The following DNAJA3 variants were observed in gnomAD, a reference collection of about 807,000 sequenced individuals.
DNAJA3 encodes the protein DnaJ heat shock protein family (Hsp40) member A3, also known as dnaJ homolog subfamily A member 3, mitochondrial.
DNAJA3 carries 29 observed loss-of-function variants against 54.9 expected under a neutral mutation model. That is an observed-to-expected ratio of 0.53 (90% CI 0.39 to 0.72). DNAJA3 has a LOEUF of 0.72. Among genes scored for constraint, DNAJA3 ranks in the 30% least tolerant of loss-of-function variants. DNAJA3 has a pLI of 0.00. For synonymous variants in DNAJA3, 302 were observed against 251.4 expected (o/e 1.20, Z -1.90); for missense variants, 708 against 639.4 (o/e 1.11, Z -1.16).
chr16:4,427,521 A>G (rs34091811), intron 1 of DNAJA3: 12,018 of 152,196 alleles, frequency 0.079, 703 homozygotes, highest in South Asian at 0.22. Flanking sequence ...AGCGGGGTGT[A>G]TTATTTAACC....
chr16:4,434,000 T>G, intron 1 of DNAJA3: 1 of 239,660 alleles, frequency 4.2e-6, no homozygotes, highest in Non-Finnish European at 8.2e-6. Flanking sequence ...AGAGGTTTAT[T>G]TAACTCACAG....
chr16:4,429,743 A>C (rs1453507859), intron 1 of DNAJA3, among the ~76,000 whole-genome samples: 1 of 152,072 alleles, frequency 6.6e-6, no homozygotes, highest in Non-Finnish European at 1.5e-5. Flanking sequence ...CTGGGGCAGG[A>C]GAATTGCTTG....
Position 4,443,141 on chromosome 16 carries a change from G to C in DNAJA3, c.908G>C (p.Arg303Pro). ...GCAGGACAAGCCAAGCAGAAAAAGC[G>C]AGTGATGATCCCTGTGCCTGCAGGT... ...RGAGQAKQKK[R>P]VMIPVPAGVE... The change falls in exon 6 of 12, where the codon CGA becomes CCA. Residue 303 changes from arginine to proline, a missense_variant. Physicochemically the swap from Arg to Pro is moderately radical, Grantham distance 103 (BLOSUM62 -2). Coordinates refer to ENST00000262375, the MANE Select transcript of DNAJA3 (RefSeq NM_005147.6). The C allele has an allele frequency of 6.2e-7, 1 of 1,614,020 alleles. No individual in the cohort carries two copies. Among genetic ancestry groups the C allele is most frequent in the South Asian group, 1.1e-5 (1 of 91,070 alleles).
At chr16:4,441,913 T>G (rs1048413404) in intron 4 of DNAJA3, among the ~76,000 whole-genome samples, 1 of 152,206 alleles carries the variant, frequency 6.6e-6, no homozygotes, top group Non-Finnish European at 1.5e-5. Flanking sequence ...ATTTATGTCC[T>G]TATAAGACAC....
In DNAJA3 at chr16:4,434,441, C is replaced by G; in HGVS notation, c.269C>G (p.Ala90Gly). Reference protein sequence around the residue: ...TASFHTSAPLAKEDYYQILGV... With the variant: ...TASFHTSAPLGKEDYYQILGV... ...TCCTTCCACACGAGTGCCCCTTTGG[C>G]CAAAGAAGATTATTATCAGATATTA... The change falls in exon 2 of 12, where the codon GCC becomes GGC. Residue 90 changes from alanine to glycine, a missense_variant. By Grantham distance (60) the Ala-to-Gly change is moderately conservative (BLOSUM62 0). Transcript: ENST00000262375. 2 of 1,613,870 alleles carry G rather than the reference C, an allele frequency of 1.2e-6. No individual in the cohort carries two copies. The highest frequency in any genetic ancestry group is 1.7e-6 in the Non-Finnish European group (2 of 1,179,990).
chr16:4,434,014 A>G (rs8058313), intron 1 of DNAJA3: 5,413 of 266,232 alleles, frequency 0.02, 314 homozygotes, highest in African/African-American at 0.12. Context: ...CTCACAGTTC[A>G]GCACGGCTGG....
intron 1 of DNAJA3, among the ~76,000 whole-genome samples, chr16:4,428,203 A>T (rs1364362025): frequency 2.0e-5 from 3 of 152,046 alleles, no homozygotes; most frequent in African/African-American, 7.2e-5. Context: ...CACCCGCCTC[A>T]GCCTCCCAAA....
In DNAJA3 at chr16:4,444,674, T is replaced by C; in HGVS notation, c.942T>C (p.Asp314=). ...VMIPVPAGVE[D]GQTVRMPVGK... ...TAATGTCCCTTGTAGGAGTCGAGGA[T>C]GGCCAGACCGTGAGGATGCCTGTGG... The change falls in exon 7 of 12, where the codon GAT becomes GAC. Residue 314 remains aspartate, a synonymous_variant. Coordinates refer to ENST00000262375, the MANE Select transcript of DNAJA3 (RefSeq NM_005147.6). 1.2e-6 allele frequency: 2 copies of C among 1,614,178 alleles called. No individual in the cohort carries two copies. The highest frequency in any genetic ancestry group is 1.7e-6 in the Non-Finnish European group (2 of 1,180,014).
At chr16:4,440,990 C>T in intron 3 of DNAJA3, 1 of 214,212 alleles carries the variant, frequency 4.7e-6, no homozygotes. Flanking sequence ...TGCAGAAAAC[C>T]TTTCGATGAA....
rs760645310 is a variant in DNAJA3, at chr16:4,425,946, T to C, written c.65T>C (p.Ile22Thr). ...VVVGTPRLPA[I>T]SGRGARPPRE... ...GTGGGGACCCCGCGGCTGCCGGCTA[T>C]ATCGGGTAGAGGGGCCCGGCCGCCC... Residue 22 changes from isoleucine to threonine, a missense_variant, in exon 1 of 12, where the codon ATA becomes ACA. Transcript: ENST00000262375. The C allele has an allele frequency of 1.3e-5, 21 of 1,566,250 alleles. No homozygotes were observed. The African/African-American group carries it at 2.9e-4, about 21-fold the overall frequency.
intron 2 of DNAJA3, among the ~76,000 whole-genome samples, chr16:4,435,284 G>A (rs1320198044): frequency 6.6e-6 from 1 of 151,870 alleles, no homozygotes. Flanking sequence ...AGTTGTATAC[G>A]AGATGTCTAC....
At chr16:4,442,711 A>G (rs746170596) in intron 5 of DNAJA3, 188 of 516,664 alleles carry the variant, frequency 3.6e-4, no homozygotes, top group Non-Finnish European at 5.9e-4. Context: ...TCAAGGGGAA[A>G]TAATCTTTTT....
intron 2 of DNAJA3, among the ~76,000 whole-genome samples, 172 bp from the exon 3 acceptor site, chr16:4,437,230 C>T (rs185706514): frequency 1.3e-5 from 2 of 152,162 alleles, no homozygotes; most frequent in East Asian, 3.8e-4. Context: ...CTTCACTTCC[C>T]AAAGTGTTGG....
In DNAJA3 at chr16:4,441,180, A is replaced by G; in HGVS notation, c.430-195A>G. 5.1e-6 allele frequency: 3 copies of G among 593,920 alleles called. 1 individual carries two copies. In the African/African-American group the frequency reaches 5.6e-5, roughly 11 times the overall value. The allele number at this position is 593,920 out of a possible 1,614,324, so 36.8% of individuals were successfully genotyped here. A position where few individuals can be genotyped will look rare whatever the true frequency, so the allele number is the denominator to read the frequency against. On this transcript the variant is annotated intron_variant, in intron 3 of 11. Transcript: ENST00000262375. Reference sequence around the variant, plus strand: ...GACTTTTGGAAGCACTTCACGCCCTACACTTAGCATTCAGTTTGGTCATCT... The same window carrying G: ...GACTTTTGGAAGCACTTCACGCCCTGCACTTAGCATTCAGTTTGGTCATCT...
At chr16:4,453,645 C>T (rs539894638) in intron 10 of DNAJA3, among the ~76,000 whole-genome samples, 7 of 152,100 alleles carry the variant, frequency 4.6e-5, no homozygotes, top group East Asian at 1.9e-4. Context: ...TGTTCGAGGC[C>T]GGTCTCGAAC....
intron 3 of DNAJA3, 127 bp from the exon 4 acceptor site, chr16:4,441,248 A>G (rs958675810): frequency 8.4e-6 from 7 of 832,114 alleles, no homozygotes; most frequent in Non-Finnish European, 1.1e-5. Flanking sequence ...CCCCAACCTC[A>G]TAGGATGTGT....
rs1375539755 is a variant in DNAJA3, at chr16:4,434,514, T to C, written c.342T>C (p.Tyr114=). The change falls in exon 2 of 12, where the codon TAT becomes TAC. Residue 114 remains tyrosine (Y), a synonymous_variant. Transcript: ENST00000262375. ...ASQKEIKKAY[Y]QLAKKYHPDT... Reference sequence around the variant, plus strand: ...AGAAAGAGATCAAGAAAGCCTATTATCAGGTCTGTATGGAAGTCAGGTTTT... The same window carrying C: ...AGAAAGAGATCAAGAAAGCCTATTACCAGGTCTGTATGGAAGTCAGGTTTT... 2 of 1,611,214 alleles carry C rather than the reference T, an allele frequency of 1.2e-6. No individual in the cohort carries two copies. Among genetic ancestry groups the C allele is most frequent in the Non-Finnish European group, 1.7e-6 (2 of 1,179,390 alleles).
At chr16:4,429,517 G>T (rs1031765302) in intron 1 of DNAJA3, among the ~76,000 whole-genome samples, 1 of 151,920 alleles carries the variant, frequency 6.6e-6, no homozygotes, top group Non-Finnish European at 1.5e-5. Flanking sequence ...CACCGCGCCC[G>T]GCCTACAAAA....
rs149525378 is a variant in DNAJA3 at position 4,434,508 on chromosome 16, C to T, written c.336C>T (p.Ala112=). The T allele has an allele frequency of 3.4e-4, 548 of 1,611,894 alleles. No individual in the cohort carries two copies. The highest frequency in any genetic ancestry group is 5.2e-4 in the Admixed American group (31 of 59,208). The change falls in exon 2 of 12, where the codon GCC becomes GCT. Residue 112 remains alanine (A), a synonymous_variant. Coordinates refer to ENST00000262375, the MANE Select transcript of DNAJA3 (RefSeq NM_005147.6). ...RNASQKEIKK[A]YYQLAKKYHP... ...CCAGCCAGAAAGAGATCAAGAAAGC[C>T]TATTATCAGGTCTGTATGGAAGTCA...
Sources: gnomAD v4.1 joint callset for allele counts (sites outside exome capture counted in the v4.1 genomes callset) on GRCh38, gnomAD v4.1.1 for gene constraint, MANE v1.5 for transcripts, NCBI Gene and HGNC (gene_info 2026-07-23, HGNC 2026-07-21) for gene names.